The following RBBP4 variants were observed in gnomAD, a reference collection of about 807,000 sequenced individuals.
RBBP4 encodes RB binding protein 4, chromatin remodeling factor.
RBBP4 carries 3 observed loss-of-function variants against 57.2 expected under a neutral mutation model. The ratio of observed to expected loss-of-function variants is 0.05; its 90% CI spans 0.02 to 0.14. RBBP4 has a LOEUF of 0.14. RBBP4 is among the 10% of genes least tolerant of loss of function. The pLI is 1.00. For synonymous variants in RBBP4, 151 were observed against 171.5 expected (o/e 0.88, Z 0.93); for missense variants, 107 against 520.6 (o/e 0.21, Z 7.73).
chr1:32,669,678 C>A lies in RBBP4; in HGVS notation c.966+115C>A, dbSNP rs1648789700. ...GGCTGAAGCGGGCGGATCACAAGGT[C>A]AGGAGATCGAGACCATCCTGGCTAA... is the stretch of plus-strand genomic sequence containing the variant. On this transcript the variant is annotated intron_variant, in intron 8 of 11. Transcript: ENST00000373493. The surrounding 1 kb of genome is among the most constrained non-coding windows in gnomAD (Gnocchi z 4.9). 2.8e-6 allele frequency: 4 copies of A among 1,409,466 alleles called. No homozygotes were observed. In the South Asian group the frequency reaches 6.5e-5, roughly 23 times the overall value. The allele number at this position is 1,409,466 out of a possible 1,614,324, so 87.3% of individuals were successfully genotyped here. A position where few individuals can be genotyped will look rare whatever the true frequency, so the allele number is the denominator to read the frequency against.
Position 32,681,981 on chromosome 1 carries a change from G to A in RBBP4, c.*2276G>A, listed in dbSNP as rs575511410. The A allele has an allele frequency of 1.0e-4, 88 of 849,714 alleles. 1 individual carries two copies. In the Admixed American group the frequency reaches 1.7e-3, roughly 16 times the overall value. The allele number at this position is 849,714 out of a possible 1,614,324, so 52.6% of individuals were successfully genotyped here. On this transcript the variant is annotated 3_prime_UTR_variant, in exon 12 of 12. Transcript: ENST00000373493. ...GATGATCAGGGATGACTTTCCCCTA[G>A]CAAATATTTGGATGCCTCCTGTTTG...
Position 32,684,214 on chromosome 1 carries a change from C to T in RBBP4, c.*4509C>T. 3 of 1,610,898 alleles carry T rather than the reference C, an allele frequency of 1.9e-6. No individual in the cohort carries two copies. Among genetic ancestry groups the T allele is most frequent in the Non-Finnish European group, 2.5e-6 (3 of 1,177,292 alleles). Reference sequence around the variant, plus strand: ...TTTCCCTAAGCCCTCCCACCATCCCCTCAGCCAGTATTAGATGAGATTTGT... The same window carrying T: ...TTTCCCTAAGCCCTCCCACCATCCCTTCAGCCAGTATTAGATGAGATTTGT... On this transcript the variant is annotated 3_prime_UTR_variant, in exon 12 of 12. Transcript: ENST00000373493.
At position 32,684,372 on chromosome 1, in the gene RBBP4, T is replaced by G; in HGVS notation, c.*4667T>G. On this transcript the variant is annotated 3_prime_UTR_variant, in exon 12 of 12. Coordinates refer to ENST00000373493, the MANE Select transcript of RBBP4 (RefSeq NM_005610.3). Reference sequence around the variant, plus strand: ...CTGCCTCTGGCGTTCTTCCATTTCCTCCAGCTGTTCCTGCATGAGATGGCC... The same window carrying G: ...CTGCCTCTGGCGTTCTTCCATTTCCGCCAGCTGTTCCTGCATGAGATGGCC... The G allele has an allele frequency of 6.2e-7, 1 of 1,614,154 alleles. No homozygotes were observed. The highest frequency in any genetic ancestry group is 8.5e-7 in the Non-Finnish European group (1 of 1,180,034).
At chr1:32,666,362 ATT>A (rs66778777) in intron 3 of RBBP4, among the ~76,000 whole-genome samples, 101 of 139,886 alleles carry the variant, frequency 7.2e-4, no homozygotes, top group Non-Finnish European at 8.1e-4. Flanking sequence ...TGAAAACTTT[ATT>A]TTTTTTTTTT....
rs545281782 is a variant in RBBP4 at position 32,672,714 on chromosome 1, T to C, written c.1101+15T>C. The stretch of plus-strand genomic sequence containing the variant: ...CAGAGTTGTTGGTATGTTAAAAGCA[T>C]TGGACAGTACTGAAATAGTCTGTAA... On this transcript the variant is annotated intron_variant, in intron 10 of 11. Coordinates refer to ENST00000373493, the MANE Select transcript of RBBP4 (RefSeq NM_005610.3). The C allele has an allele frequency of 6.8e-6, 11 of 1,612,782 alleles. No homozygotes were observed. The African/African-American group carries it at 8.0e-5, about 12-fold the overall frequency.
intron 3 of RBBP4, among the ~76,000 whole-genome samples, chr1:32,663,507 A>G (rs1004702628): frequency 6.7e-6 from 1 of 150,132 alleles, no homozygotes; most frequent in Non-Finnish European, 1.5e-5. Flanking sequence ...TGGTGTGATC[A>G]CAGCTCACTG....
chr1:32,680,761 C>T lies in RBBP4; in HGVS notation c.*1056C>T. 1 of 500,508 alleles carries T rather than the reference C, an allele frequency of 2.0e-6. No individual in the cohort carries two copies. The highest frequency in any genetic ancestry group is 3.9e-5 in the Admixed American group (1 of 25,570). The allele number at this position is 500,508 out of a possible 1,614,324, so 31.0% of individuals were successfully genotyped here. On this transcript the variant is annotated 3_prime_UTR_variant, in exon 12 of 12. Coordinates refer to ENST00000373493, the MANE Select transcript of RBBP4 (RefSeq NM_005610.3). ...GTTGTTGTCCATGGTCTTTGACTAT[C>T]AAGAGCAGAATTAAATGTAATAGTC...
In RBBP4 at chr1:32,653,653, TTTTTTTGTTTTTG is replaced by T. The variant is rs1570831180; in HGVS notation, c.164+1599_164+1611del. Among the ~76,000 whole-genome samples the T allele has an allele frequency of 2.3e-4, 11 of 47,230 alleles. 1 individual carries two copies. Among genetic ancestry groups the T allele is most frequent in the East Asian group, 1.7e-3 (4 of 2,298 alleles). 31.0% of individuals were successfully genotyped at this position (47,230 alleles called of 152,430 possible). The stretch of plus-strand genomic sequence containing the variant: ...TGTTTTCTGGTTTTTTTTTTTTTTT[TTTTTTTGTTTTTG>T]TTTTTTTTTTTGAGACGGAGTCTCC... On this transcript the variant is annotated intron_variant, in intron 2 of 11. Transcript: ENST00000373493.
chr1:32,658,933 AT>A (rs1648268811), intron 3 of RBBP4, among the ~76,000 whole-genome samples: 1 of 15,738 alleles, frequency 6.4e-5, no homozygotes, highest in South Asian at 6.3e-3. Context: ...TAAATGTTAT[AT>A]TTATATATAA....
chr1:32,660,930 G>A (rs1471537941), intron 3 of RBBP4, among the ~76,000 whole-genome samples: 1 of 151,888 alleles, frequency 6.6e-6, no homozygotes, highest in South Asian at 2.1e-4. Context: ...CTGCCTCAGC[G>A]TCCTGAGTAG....
chr1:32,665,086 A>T (rs941683060), intron 3 of RBBP4, among the ~76,000 whole-genome samples: 4 of 151,424 alleles, frequency 2.6e-5, no homozygotes, highest in African/African-American at 9.7e-5. Context: ...GGGGAAAAAA[A>T]CTTATGTGTG....
Position 32,672,534 on chromosome 1 carries a change from T to A in RBBP4, c.1043+8T>A, listed in dbSNP as rs371699415. 9.0e-5 allele frequency: 144 copies of A among 1,602,564 alleles called. No homozygotes were observed. The highest frequency in any genetic ancestry group is 1.2e-4 in the Non-Finnish European group (142 of 1,169,718). On this transcript the variant is annotated splice_region_variant and intron_variant, in intron 9 of 11. Transcript: ENST00000373493. The stretch of plus-strand genomic sequence containing the variant: ...GAATGTCTGGGATTTAAGGTAATTC[T>A]TGTATTCATTCCTCTCTCTACATAA...
chr1:32,668,111 GTAT>G (rs540227083), intron 3 of RBBP4, 111 bp from the exon 4 acceptor site: 105 of 951,544 alleles, frequency 1.1e-4, no homozygotes, highest in Admixed American at 3.1e-4. Context: ...ATTACATCTA[GTAT>G]TATGCCAGTT....
Position 32,681,915 on chromosome 1 carries a change from G to A in RBBP4, c.*2210G>A. The A allele has an allele frequency of 6.7e-7, 1 of 1,490,556 alleles. No homozygotes were observed. The highest frequency in any genetic ancestry group is 9.4e-7 in the Non-Finnish European group (1 of 1,068,228). 92.3% of individuals were successfully genotyped at this position (1,490,556 alleles called of 1,614,324 possible). On this transcript the variant is annotated 3_prime_UTR_variant, in exon 12 of 12. Transcript: ENST00000373493. ...AGTGAACTTCTGAGGTTTAGTTACTGCAGGCTTTGTTGAGAAGAGATTGTT... is the reference window on the plus strand; with the variant it reads ...AGTGAACTTCTGAGGTTTAGTTACTACAGGCTTTGTTGAGAAGAGATTGTT...
intron 3 of RBBP4, among the ~76,000 whole-genome samples, chr1:32,667,394 T>C (rs554960113): frequency 1.3e-5 from 2 of 152,320 alleles, no homozygotes; most frequent in East Asian, 1.9e-4. Flanking sequence ...CCCTGTCCCA[T>C]GATCATGTGA....
chr1:32,680,242 A>G lies in RBBP4; in HGVS notation c.*537A>G. The G allele has an allele frequency of 8.5e-7, 1 of 1,172,052 alleles. No individual in the cohort carries two copies. The highest frequency in any genetic ancestry group is 1.1e-6 in the Non-Finnish European group (1 of 948,466). The allele number at this position is 1,172,052 out of a possible 1,614,324, so 72.6% of individuals were successfully genotyped here. A position where few individuals can be genotyped will look rare whatever the true frequency, so the allele number is the denominator to read the frequency against. On this transcript the variant is annotated 3_prime_UTR_variant, in exon 12 of 12. Coordinates refer to ENST00000373493, the MANE Select transcript of RBBP4 (RefSeq NM_005610.3). ...TGGTTTCTTCAGTTAAGTCAAAACA[A>G]CACGTTCCTCTTTCCCCATATATTC...
intron 3 of RBBP4, 114 bp downstream of exon 3, chr1:32,657,686 G>T: frequency 8.1e-7 from 1 of 1,240,698 alleles, no homozygotes; most frequent in Non-Finnish European, 1.1e-6. Context: ...GGGAAAGCCT[G>T]AGTTTGCAAT....
chr1:32,661,168 A>G (rs959514649), intron 3 of RBBP4, among the ~76,000 whole-genome samples: 3 of 152,080 alleles, frequency 2.0e-5, no homozygotes, highest in African/African-American at 7.2e-5. Context: ...TGATTTCCGT[A>G]TCTTTGGTAT....
Position 32,668,186 on chromosome 1 carries a change from C to T in RBBP4, c.311-39C>T, listed in dbSNP as rs1283718218. The T allele has an allele frequency of 3.2e-6, 5 of 1,574,914 alleles. No homozygotes were observed. In the Admixed American group the frequency reaches 5.2e-5, roughly 16 times the overall value. ...ATACTCTGGGTAACCTCTAGAGTAG[C>T]TCTTGTTTTGTCCTCATTTGCAATT... On this transcript the variant is annotated intron_variant, in intron 3 of 11. Transcript: ENST00000373493.
Sources: allele counts gnomAD v4.1 joint callset (sites outside exome capture counted in the v4.1 genomes callset), GRCh38; gene constraint gnomAD v4.1.1; non-coding constraint Gnocchi (gnomAD v3.1); transcripts MANE v1.5; gene names NCBI Gene and HGNC (gene_info 2026-07-23, HGNC 2026-07-21).